Variants in ACOT11 observed in about 807,000 individuals in gnomAD.
ACOT11 encodes acyl-coenzyme A thioesterase 11.
In ACOT11, 69 loss-of-function variants were observed where a neutral mutation model predicts 77.5. The ratio of observed to expected loss-of-function variants is 0.89; its 90% confidence interval spans 0.73 to 1.09. The LOEUF is 1.09. ACOT11 is among the 50% of genes least tolerant of loss of function. ACOT11 has a pLI of 0.00. For synonymous variants in ACOT11, 279 were observed against 313.0 expected, an observed-to-expected ratio of 0.89 and a Z score of 1.15; for missense variants, 766 against 813.7, an observed-to-expected ratio of 0.94 and a Z score of 0.71.
At position 54,600,614 on chromosome 1, in the gene ACOT11, C is replaced by T. The variant is rs141133186; in HGVS notation, c.885-655C>T. On this transcript the variant is annotated intron_variant, in intron 8 of 15. Transcript: ENST00000343744. ...ACGAGAATCCCTTGAATCCAAGAGG[C>T]GGAGGTTGCAGTGAGCCAAGATTGT... Among the ~76,000 whole-genome samples, 1,368 of 152,250 alleles carry T rather than the reference C, an allele frequency of 9.0e-3. 16 individuals are homozygous for T. The highest frequency in any genetic ancestry group is 0.031 in the African/African-American group (1,294 of 41,530).
At chr1:54,593,561 A>G (rs559785365) in intron 4 of ACOT11, among the ~76,000 whole-genome samples, 9 of 151,456 alleles carry the variant, frequency 5.9e-5, no homozygotes, top group Non-Finnish European at 1.0e-4. Context: ...CAGCCTCCCA[A>G]AATTCTAGAA....
chr1:54,628,603 C>CA lies in ACOT11; in HGVS notation c.1630-2131_1630-2130insA, dbSNP rs1176864911. ...GAGCAAGACCCCATCGCCCCCCCCC[C>CA]CCAAAAAAGGAAAAAAGAAACCCAT... On this transcript the variant is annotated intron_variant, in intron 15 of 16. Coordinates refer to the ACOT11 transcript ENST00000371316. Among the ~76,000 whole-genome samples the CA allele has an allele frequency of 3.8e-4, 47 of 123,062 alleles. 10 individuals are homozygous for CA. Among genetic ancestry groups the CA allele is most frequent in the East Asian group, 7.7e-4 (3 of 3,890 alleles). 80.7% of individuals were successfully genotyped at this position (123,062 alleles called of 152,430 possible).
chr1:54,616,535 A>T (rs1232198969), intron 15 of ACOT11, among the ~76,000 whole-genome samples: 2 of 151,804 alleles, frequency 1.3e-5, no homozygotes, highest in Non-Finnish European at 2.9e-5. Flanking sequence ...CACCATGCCT[A>T]GCTAATTTTT....
At chr1:54,587,550 CTTTTTTTTT>C (rs33913350) in intron 3 of ACOT11, among the ~76,000 whole-genome samples, 7 of 73,542 alleles carry the variant, frequency 9.5e-5, no homozygotes, top group African/African-American at 3.0e-4. Flanking sequence ...GTTTGTAATC[CTTTTTTTTT>C]TTTTTTTTTT....
chr1:54,604,667 C>G (rs1644004110), intron 12 of ACOT11, among the ~76,000 whole-genome samples: 1 of 152,160 alleles, frequency 6.6e-6, no homozygotes, highest in Admixed American at 6.5e-5. Context: ...CCACTCAGGT[C>G]TGCTGCTGTC....
intron 1 of ACOT11, among the ~76,000 whole-genome samples, chr1:54,550,385 A>G (rs1436174375): frequency 6.6e-6 from 1 of 152,154 alleles, no homozygotes; most frequent in African/African-American, 2.4e-5. Flanking sequence ...CCACCTCTGC[A>G]CCATTGTCTG....
In ACOT11 at chr1:54,619,017, T is replaced by G. The variant is rs372500004; in HGVS notation, c.1629+10949T>G. Among the ~76,000 whole-genome samples the G allele has an allele frequency of 2.6e-5, 4 of 152,202 alleles. No individual in the cohort carries two copies. In the East Asian group the frequency reaches 7.7e-4, roughly 29 times the overall value. On this transcript the variant is annotated intron_variant, in intron 15 of 16. Transcript: ENST00000371316. ...ATTAATAATGACCTCAAAAGAGCCC[T>G]GCTTTGGTTGATTTGGTCATTCTAC...
intron 1 of ACOT11, among the ~76,000 whole-genome samples, chr1:54,564,870 C>A (rs1161471894): frequency 1.3e-5 from 2 of 152,216 alleles, no homozygotes; most frequent in African/African-American, 4.8e-5. Flanking sequence ...TAGCTTAATG[C>A]CATGGCAGGT....
chr1:54,617,869 A>G (rs1644190192), intron 15 of ACOT11, among the ~76,000 whole-genome samples: 2 of 151,372 alleles, frequency 1.3e-5, no homozygotes, highest in African/African-American at 4.9e-5. Flanking sequence ...GACTACAGGT[A>G]TGCACCACCA....
intron 1 of ACOT11, among the ~76,000 whole-genome samples, chr1:54,567,615 A>G (rs2100956939): frequency 6.6e-6 from 1 of 151,646 alleles, no homozygotes; most frequent in Admixed American, 6.6e-5. Context: ...ACCACCTCCC[A>G]TCATCTCCAC....
intron 15 of ACOT11, among the ~76,000 whole-genome samples, chr1:54,617,341 C>T (rs1644183243): frequency 6.6e-6 from 1 of 152,006 alleles, no homozygotes; most frequent in Non-Finnish European, 1.5e-5. Context: ...TTTTCTCCTG[C>T]TTTCTCCCTG....
At chr1:54,562,547 C>CA (rs1653565964) in intron 1 of ACOT11, among the ~76,000 whole-genome samples, 1 of 96,500 alleles carries the variant, frequency 1.0e-5, no homozygotes, top group South Asian at 3.9e-4. Context: ...GGGGGCTGAC[C>CA]CACCCCCCAC....
chr1:54,614,678 G>T, downstream of ACOT11: 1 of 1,600,992 alleles, frequency 6.2e-7, no homozygotes, highest in South Asian at 1.1e-5. Context: ...GACACAGCTG[G>T]GACAGAGAGG....
chr1:54,600,953 A>G (rs1643953785), intron 8 of ACOT11, among the ~76,000 whole-genome samples: 1 of 152,200 alleles, frequency 6.6e-6, no homozygotes, highest in South Asian at 2.1e-4. Context: ...TCACTCTCGC[A>G]TCCTCACAGG....
At chr1:54,635,383 T>C in exon 17 of ACOT11, 2 of 300,230 alleles carry the variant, frequency 6.7e-6, no homozygotes, top group South Asian at 3.0e-5. Context: ...CATGGCGGTA[T>C]AGTGGCACCT....
chr1:54,597,502 T>A, intron 7 of ACOT11, 87 bp downstream of exon 7: 1 of 1,455,020 alleles, frequency 6.9e-7, no homozygotes, highest in Admixed American at 2.4e-5. Context: ...AAACCCCAGC[T>A]TGGGGTTGGC....
At chr1:54,599,516 C>A in intron 8 of ACOT11, 101 bp downstream of exon 8, 1 of 1,268,946 alleles carries the variant, frequency 7.9e-7, no homozygotes, top group East Asian at 3.1e-5. Context: ...GCCCTTTGCC[C>A]TGCAGACAGG....
chr1:54,587,478 A>T (rs964393598), intron 3 of ACOT11, among the ~76,000 whole-genome samples: 2 of 143,090 alleles, frequency 1.4e-5, no homozygotes, highest in African/African-American at 5.2e-5. Context: ...GCACCACTGC[A>T]CTCCAGCCTG....
rs111735612 is a variant in ACOT11 at position 54,565,129 on chromosome 1, A to G, written c.33+16787A>G. On this transcript the variant is annotated intron_variant, in intron 1 of 15. Transcript: ENST00000343744. The stretch of plus-strand genomic sequence containing the variant: ...CCCCACCCTCCCCTTGCTTTTGAAG[A>G]CTGAACTGGAGCTTCCAGGCAGCAA... 6.6e-5 allele frequency among the ~76,000 whole-genome samples: 10 copies of G among 152,150 alleles called. 1 individual carries two copies. The highest frequency in any genetic ancestry group is 2.4e-4 in the African/African-American group (10 of 41,518).
Sources: allele counts gnomAD v4.1 joint callset (sites outside exome capture counted in the v4.1 genomes callset), GRCh38; gene constraint gnomAD v4.1.1; transcripts MANE v1.5; gene names NCBI Gene and HGNC (gene_info 2026-07-23, HGNC 2026-07-21).